The following EMC9 variants were observed in gnomAD, a reference collection of about 807,000 sequenced individuals.
The protein encoded by EMC9 is UPF0172 protein FAM158A.
A neutral mutation model predicts 25.0 loss-of-function variants in EMC9; 20 were observed. That is an observed-to-expected ratio of 0.80 (90% CI 0.56 to 1.16). The LOEUF is 1.16. EMC9 is among the 50% of genes most tolerant of loss of function. EMC9 has a pLI of 0.00. For missense variants in EMC9, 256 were observed against 268.7 expected, an observed-to-expected ratio of 0.95 and a Z score of 0.33; for synonymous variants, 100 against 107.0, an observed-to-expected ratio of 0.93 and a Z score of 0.40.
chr14:24,141,557 G>T lies in EMC9; in HGVS notation c.-132C>A, dbSNP rs1211327779. 3 of 588,968 alleles carry T rather than the reference G, an allele frequency of 5.1e-6. No individual in the cohort carries two copies. The African/African-American group carries it at 5.6e-5, about 11-fold the overall frequency. 36.5% of individuals were successfully genotyped at this position (588,968 alleles called of 1,614,324 possible). A position where few individuals can be genotyped will look rare whatever the true frequency, so the allele number is the denominator to read the frequency against. On this transcript the variant is annotated 5_prime_UTR_variant, in exon 1 of 6. Coordinates refer to ENST00000216799, the MANE Select transcript of EMC9 (RefSeq NM_016049.4). ...GAGGTCCCGATTGCATCCGAGCCCC[G>T]CCTTCCCGCGCCCCTAGCTGGCGGC...
chr14:24,141,127 A>G lies in EMC9; in HGVS notation c.178T>C (p.Leu60=), dbSNP rs1212649777. 2.5e-6 allele frequency: 4 copies of G among 1,613,986 alleles called. No individual in the cohort carries two copies. Among genetic ancestry groups the G allele is most frequent in the Non-Finnish European group, 3.4e-6 (4 of 1,180,058 alleles). The change falls in exon 2 of 6, where the codon TTG becomes CTG. Residue 60 remains leucine (L), a synonymous_variant. Transcript: ENST00000216799. ...FHSHLALSVM[L]EVALNQVDVW... ...GGCACCTGGTTGAGGGCGACCTCCA[A>G]CATGACGGACAGGGCCAGGTGGCTG...
rs1382151805 is a variant in EMC9, at chr14:24,141,311, C to T, written c.-7G>A. The stretch of plus-strand genomic sequence containing the variant: ...AGATCTCCACCTCCCCCATGGCGAG[C>T]GAGGCCTGGACGGGAAGCAGCAAGC... On this transcript the variant is annotated 5_prime_UTR_variant, in exon 2 of 6. Transcript: ENST00000216799. The T allele has an allele frequency of 6.2e-7, 1 of 1,613,810 alleles. No individual in the cohort carries two copies.
chr14:24,140,749 G>T, intron 3 of EMC9, 140 bp downstream of exon 3: 1 of 853,566 alleles, frequency 1.2e-6, no homozygotes, highest in Non-Finnish European at 1.8e-6. Context: ...AGCGTTTGAT[G>T]AAGGAAAGAT....
Position 24,139,915 on chromosome 14 carries a change from A to G in EMC9, c.276-301T>C, listed in dbSNP as rs1314094708. 2 of 555,386 alleles carry G rather than the reference A, an allele frequency of 3.6e-6. No individual in the cohort carries two copies. The highest frequency in any genetic ancestry group is 3.8e-5 in the African/African-American group (2 of 52,932). The allele number at this position is 555,386 out of a possible 1,614,324, so 34.4% of individuals were successfully genotyped here. A position where few individuals can be genotyped will look rare whatever the true frequency, so the allele number is the denominator to read the frequency against. On this transcript the variant is annotated intron_variant, in intron 3 of 5. Transcript: ENST00000216799. This position sits in a 1 kb window ranked among gnomAD's most constrained non-coding sequence, Gnocchi z 4.6. Reference sequence around the variant, plus strand: ...ACATACTATACATATGCTGACCCAGAAATTCTACTTATAAAGAATTTATGG... The same window carrying G: ...ACATACTATACATATGCTGACCCAGGAATTCTACTTATAAAGAATTTATGG...
In EMC9 at chr14:24,140,841, C is replaced by T. The variant is rs1369493329; in HGVS notation, c.275+48G>A. The stretch of plus-strand genomic sequence containing the variant: ...ATCCTCGCCCTCTATTCCTCCAATC[C>T]CCAACCCGCCATAATCCTTTCCTTC... On this transcript the variant is annotated intron_variant, in intron 3 of 5. Coordinates refer to ENST00000216799, the MANE Select transcript of EMC9 (RefSeq NM_016049.4). 5.0e-6 allele frequency: 8 copies of T among 1,606,226 alleles called. No individual in the cohort carries two copies. In the South Asian group the frequency reaches 5.5e-5, roughly 11 times the overall value.
In EMC9 at chr14:24,140,921, G is replaced by C; in HGVS notation, c.243C>G (p.Tyr81Ter). The C allele has an allele frequency of 6.2e-7, 1 of 1,614,206 alleles. No individual in the cohort carries two copies. ...CGTTCACAGCTGCATTGGCATGGTA[G>C]TAACCAGCCACCACCAGACCGGCCT... is the stretch of plus-strand genomic sequence containing the variant. ...GAQAGLVVAG[Y>*]YHANAAVNDQ... Residue 81 changes from tyrosine to a stop codon, truncating the protein, a stop_gained, in exon 3 of 6, where the codon TAC becomes TAG. Transcript: ENST00000216799. LOFTEE classifies it high-confidence loss of function.
rs2038013117 is a variant in EMC9 at position 24,139,995 on chromosome 14, G to T, written c.276-381C>A. ...ACTGGAAACAACCTCAATGTTTAAA[G>T]TATTAAATAAATTAGAGTACATTCA... On this transcript the variant is annotated intron_variant, in intron 3 of 5. Transcript: ENST00000216799. The surrounding 1 kb of genome is among the most constrained non-coding windows in gnomAD (Gnocchi z 4.6). 5.2e-6 allele frequency: 2 copies of T among 381,214 alleles called. No individual in the cohort carries two copies. Among genetic ancestry groups the T allele is most frequent in the Non-Finnish European group, 1.0e-5 (2 of 194,378 alleles). 23.6% of individuals were successfully genotyped at this position (381,214 alleles called of 1,614,324 possible).
chr14:24,139,120 C>A lies in EMC9; in HGVS notation c.517G>T (p.Val173Leu). ...LLEDRAHQHL[V>L]DFDCHLDDIR... Reference sequence around the variant, plus strand: ...TCATCAAGGTGGCAGTCAAAGTCCACAAGGTGCTGGTGGGCCCGATCTTCC... The same window carrying A: ...TCATCAAGGTGGCAGTCAAAGTCCAAAAGGTGCTGGTGGGCCCGATCTTCC... Residue 173 changes from valine (V) to leucine (L), a missense_variant, in exon 6 of 6, where the codon GTG becomes TTG. Val to Leu is a conservative substitution (Grantham distance 32). Coordinates refer to ENST00000216799, the MANE Select transcript of EMC9 (RefSeq NM_016049.4). The surrounding 1 kb of genome is among the most constrained non-coding windows in gnomAD (Gnocchi z 4.6). 1 of 1,614,180 alleles carries A rather than the reference C, an allele frequency of 6.2e-7. No individual in the cohort carries two copies. Among genetic ancestry groups the A allele is most frequent in the Non-Finnish European group, 8.5e-7 (1 of 1,180,032 alleles).
At position 24,139,299 on chromosome 14, in the gene EMC9, G is replaced by T; in HGVS notation, c.440+61C>A. The T allele has an allele frequency of 6.2e-7, 1 of 1,604,070 alleles. No homozygotes were observed. Among genetic ancestry groups the T allele is most frequent in the South Asian group, 1.1e-5 (1 of 90,374 alleles). On this transcript the variant is annotated intron_variant, in intron 5 of 5. Coordinates refer to ENST00000216799, the MANE Select transcript of EMC9 (RefSeq NM_016049.4). This position sits in a 1 kb window ranked among gnomAD's most constrained non-coding sequence, Gnocchi z 4.6. ...GAAAGACCCTTGGGGCAGGGCCAAG[G>T]ACAGAGGAGACCCAGGAGCCTTGGG...
Sources: allele counts gnomAD v4.1 joint callset, GRCh38; gene constraint gnomAD v4.1.1; non-coding constraint Gnocchi (gnomAD v3.1); transcripts MANE v1.5; gene names NCBI Gene and HGNC (gene_info 2026-07-23, HGNC 2026-07-21).